Variants in USH2A observed in about 807,000 individuals in gnomAD.
USH2A encodes usherin, also known as Usher syndrome 2A (autosomal recessive, mild).
USH2A carries 443 observed loss-of-function variants against 538.9 expected under a neutral mutation model. The observed-to-expected ratio is 0.82, with a 90% CI of 0.76 to 0.89. USH2A has a LOEUF of 0.89. Ranked by LOEUF, USH2A falls within the 40% of genes least tolerant of loss-of-function variation. The pLI is 0.00. For missense variants in USH2A, 6,633 were observed against 6,324.8 expected (o/e 1.05, Z -1.65); for synonymous variants, 2,413 against 2,273.5 (o/e 1.06, Z -1.75).
chr1:215,653,821 T>C (rs745772864), intron 64 of USH2A, among the ~76,000 whole-genome samples: 20 of 152,202 alleles, frequency 1.3e-4, no homozygotes, highest in Non-Finnish European at 2.4e-4. Flanking sequence ...ATGCTTATGA[T>C]TCCCACTGAG....
rs995638344 is a variant in USH2A, at chr1:216,190,239, T to C, written c.4380A>G (p.Gly1460=). ...VGCVTSASGA[G]QTLAAAPAQL... is the part of the protein sequence containing the mutation. ...CTTGCTTACCTGCTGCTAAAGTTTG[T>C]CCTGCTCCCGAAGCACTGGTCACAC... is the stretch of plus-strand genomic sequence containing the variant. The change falls in exon 20 of 72, where the codon GGA becomes GGG. Residue 1460 remains glycine (G), a synonymous_variant. Transcript: ENST00000307340. 1 of 1,612,448 alleles carries C rather than the reference T, an allele frequency of 6.2e-7. No homozygotes were observed. The highest frequency in any genetic ancestry group is 1.1e-5 in the South Asian group (1 of 91,066).
Position 216,418,638 on chromosome 1 carries a change from T to C in USH2A, c.527A>G (p.Lys176Arg). Reference protein sequence around the residue: ...EKTVDGQIVFKLTISEKETMF... With the variant: ...EKTVDGQIVFRLTISEKETMF... ...GGTCTCTTTCTCAGATATTGTAAGT[T>C]TGAACACAATCTGCCCATCTACTGT... The change falls in exon 3 of 72, where the codon AAA becomes AGA. Residue 176 changes from lysine to arginine, a missense_variant. Coordinates refer to ENST00000307340, the MANE Select transcript of USH2A (RefSeq NM_206933.4). 1 of 1,613,236 alleles carries C rather than the reference T, an allele frequency of 6.2e-7. No individual in the cohort carries two copies.
chr1:215,874,691 G>A (rs888657889), intron 43 of USH2A, among the ~76,000 whole-genome samples: 1 of 152,110 alleles, frequency 6.6e-6, no homozygotes, highest in Admixed American at 6.5e-5. Flanking sequence ...TTTATATCAG[G>A]AGAAGTGCCA....
intron 30 of USH2A, among the ~76,000 whole-genome samples, chr1:216,053,564 A>G (rs964857571): frequency 1.3e-5 from 2 of 151,134 alleles, no homozygotes; most frequent in Non-Finnish European, 2.9e-5. Flanking sequence ...GGTCCCAATC[A>G]TGTCAGGAAA....
At position 216,292,465 on chromosome 1, in the gene USH2A, A is replaced by G. The variant is rs968994265; in HGVS notation, c.1645-95T>C. ...AGGCCTTTCACCAGAAGTAAAGCAC[A>G]TATCAGTGAGTTAAAAGTCAGCAAT... On this transcript the variant is annotated intron_variant, in intron 9 of 71. Coordinates refer to ENST00000307340, the MANE Select transcript of USH2A (RefSeq NM_206933.4). 4.6e-6 allele frequency: 6 copies of G among 1,305,142 alleles called. No homozygotes were observed. In the East Asian group the frequency reaches 1.0e-4, roughly 22 times the overall value. The allele number at this position is 1,305,142 out of a possible 1,614,324, so 80.8% of individuals were successfully genotyped here. A position where few individuals can be genotyped will look rare whatever the true frequency, so the allele number is the denominator to read the frequency against.
chr1:216,134,760 G>A (rs1288443898), intron 21 of USH2A, among the ~76,000 whole-genome samples: 1 of 152,036 alleles, frequency 6.6e-6, no homozygotes, highest in African/African-American at 2.4e-5. Flanking sequence ...CAAAGAAATA[G>A]CCAAATATGT....
chr1:215,997,935 T>C (rs1668175950), intron 34 of USH2A, among the ~76,000 whole-genome samples: 1 of 152,124 alleles, frequency 6.6e-6, no homozygotes, highest in Non-Finnish European at 1.5e-5. Context: ...CACTGTCTGA[T>C]TGCCCTTGTT....
chr1:216,135,907 C>T (rs1417525953), intron 21 of USH2A, among the ~76,000 whole-genome samples: 1 of 151,940 alleles, frequency 6.6e-6, no homozygotes, highest in African/African-American at 2.4e-5. Context: ...TCTGTCAAAG[C>T]TTCCATTAAC....
intron 11 of USH2A, among the ~76,000 whole-genome samples, chr1:216,271,342 A>G (rs1014061029): frequency 6.6e-6 from 1 of 152,130 alleles, no homozygotes; most frequent in African/African-American, 2.4e-5. Context: ...GTCCTTACTT[A>G]GAATATAAAG....
intron 21 of USH2A, among the ~76,000 whole-genome samples, chr1:216,102,257 A>T (rs1467187127): frequency 6.6e-6 from 1 of 151,766 alleles, no homozygotes; most frequent in Non-Finnish European, 1.5e-5. Flanking sequence ...CAATACCACT[A>T]AATATCCATT....
At chr1:216,281,865 G>GTTT (rs766030449) in intron 11 of USH2A, among the ~76,000 whole-genome samples, 1,862 of 96,088 alleles carry the variant, frequency 0.019, 12 homozygotes, top group Middle Eastern at 0.033. Flanking sequence ...GTTTTTGTCT[G>GTTT]TTTTTTTTTT....
At chr1:215,936,030 G>A (rs1402329378) in intron 37 of USH2A, among the ~76,000 whole-genome samples, 3 of 151,534 alleles carry the variant, frequency 2.0e-5, no homozygotes, top group African/African-American at 7.3e-5. Context: ...GGGTCACAGA[G>A]TGAGATTTTT....
intron 21 of USH2A, among the ~76,000 whole-genome samples, chr1:216,165,543 T>C (rs917733058): frequency 3.9e-5 from 6 of 152,200 alleles, no homozygotes; most frequent in African/African-American, 1.4e-4. Flanking sequence ...AATTGAGTTA[T>C]CACTCTAAAC....
At chr1:215,984,009 A>G (rs1256253329) in intron 35 of USH2A, among the ~76,000 whole-genome samples, 3 of 152,196 alleles carry the variant, frequency 2.0e-5, no homozygotes, top group East Asian at 1.9e-4. Context: ...AAAGAGAGCC[A>G]GGGAGAATGA....
At chr1:216,250,368 C>G (rs2036134038) in intron 12 of USH2A, among the ~76,000 whole-genome samples, 1 of 151,964 alleles carries the variant, frequency 6.6e-6, no homozygotes, top group South Asian at 2.1e-4. Context: ...TGTAAGTAAC[C>G]CTAGCAATAT....
rs929108422 is a variant in USH2A at position 215,625,050 on chromosome 1, T to A, written c.*731A>T. ...TAGAGGTGTTCCTAGTGAAACACTTTGTTTTCTCCTCAAAATGTATAAATA... is the reference window on the plus strand; with the variant it reads ...TAGAGGTGTTCCTAGTGAAACACTTAGTTTTCTCCTCAAAATGTATAAATA... On this transcript the variant is annotated 3_prime_UTR_variant, in exon 72 of 72. Transcript: ENST00000307340. 2 of 152,246 alleles carry A rather than the reference T, an allele frequency of 1.3e-5. No homozygotes were observed. The highest frequency in any genetic ancestry group is 2.9e-5 in the Non-Finnish European group (2 of 68,044). 9.4% of individuals were successfully genotyped at this position (152,246 alleles called of 1,614,324 possible).
In USH2A at chr1:216,207,370, G is replaced by A; in HGVS notation, c.3219C>T (p.Ser1073=). The A allele has an allele frequency of 5.0e-6, 8 of 1,614,046 alleles. No homozygotes were observed. The South Asian group carries it at 7.7e-5, about 16-fold the overall frequency. Residue 1073 remains serine (S), a synonymous_variant, in exon 16 of 72, where the codon TCC becomes TCT. Transcript: ENST00000307340. ...CATTTGGAGAATCAGGTGGACTCCA[G>A]GAGAGATTGATAGCAGAAGAACTTT... ...QVQSSSAINL[S]WSPPDSPNAH...
chr1:215,817,270 G>A (rs1662885574), intron 47 of USH2A, 75 bp from the exon 48 acceptor site: 3 of 1,320,510 alleles, frequency 2.3e-6, no homozygotes, highest in Non-Finnish European at 2.2e-6. Context: ...TAAGTAAAAA[G>A]TGGCAGCAAT....
chr1:215,984,977 T>C (rs574011902), intron 35 of USH2A, among the ~76,000 whole-genome samples: 1 of 152,172 alleles, frequency 6.6e-6, no homozygotes, highest in South Asian at 2.1e-4. Flanking sequence ...CTCCTAAAAA[T>C]GGAATCAACG....
Sources: allele counts gnomAD v4.1 joint callset (sites outside exome capture counted in the v4.1 genomes callset), GRCh38; gene constraint gnomAD v4.1.1; transcripts MANE v1.5; gene names NCBI Gene and HGNC (gene_info 2026-07-23, HGNC 2026-07-21).